The following LAMA1 variants were observed in gnomAD, a reference collection of about 807,000 sequenced individuals.
LAMA1 encodes laminin subunit alpha-1.
Under a neutral mutation model 348.7 loss-of-function variants are expected in LAMA1, and 219 were observed. The ratio of observed to expected loss-of-function variants is 0.63; its 90% CI spans 0.56 to 0.70. LAMA1 has a LOEUF of 0.70. Among genes scored for constraint, LAMA1 ranks in the 30% least tolerant of loss-of-function variants. LAMA1 has a pLI of 0.00. For synonymous variants in LAMA1, 1,487 were observed against 1,491.0 expected (o/e 1.00, Z 0.06); for missense variants, 3,744 against 3,888.0 (o/e 0.96, Z 0.99).
intron 53 of LAMA1, chr18:6,960,674 T>TAAAAAAAAA (rs1352926000): frequency 1.4e-5 from 2 of 139,732 alleles, no homozygotes; most frequent in African/African-American, 5.6e-5. Flanking sequence ...TCAGCTCAAC[T>TAAAAAAAAA]ACAAAAAAAA....
At chr18:6,945,449 C>T (rs8084092) in intron 61 of LAMA1, among the ~76,000 whole-genome samples, 130,451 of 152,084 alleles carry the variant, frequency 0.86, 56,084 homozygotes, top group Non-Finnish European at 0.87. Context: ...AGGGAAATAC[C>T]AGAAACAACC....
At chr18:6,991,880 C>A (rs1252236858) in intron 36 of LAMA1, among the ~76,000 whole-genome samples, 1 of 152,134 alleles carries the variant, frequency 6.6e-6, no homozygotes, top group Non-Finnish European at 1.5e-5. Context: ...ATGACTATAT[C>A]ATTTCATTAG....
chr18:6,948,535 A>C lies in LAMA1; in HGVS notation c.8578T>G (p.Cys2860Gly), dbSNP rs746069452. ...CTGTTAACCGTCACATCCCCAATGC[A>C]GGCAGGGATGCTGTGGGTGATCTAA... ...IGNITHSIPA[C>G]IGDVTVNSKQ... is the part of the protein sequence containing the mutation. The change falls in exon 60 of 63, where the codon TGC (cysteine) becomes GGC (glycine). Residue 2860 changes from cysteine to glycine, a missense_variant. Cys to Gly is a radical substitution (Grantham distance 159, BLOSUM62 -3). Coordinates refer to ENST00000389658, the MANE Select transcript of LAMA1 (RefSeq NM_005559.4). 1.2e-6 allele frequency: 2 copies of C among 1,614,176 alleles called. No homozygotes were observed. The highest frequency in any genetic ancestry group is 2.2e-5 in the South Asian group (2 of 91,074).
At chr18:7,117,323 G>A (rs2058361415) in intron 1 of LAMA1, among the ~76,000 whole-genome samples, 1 of 149,608 alleles carries the variant, frequency 6.7e-6, no homozygotes, top group Non-Finnish European at 1.5e-5. Context: ...CGCTCCGGGC[G>A]CCCCGCTCCC....
At chr18:7,034,779 G>A in intron 13 of LAMA1, 89 bp from the exon 14 acceptor site, 2 of 1,253,900 alleles carry the variant, frequency 1.6e-6, no homozygotes, top group Non-Finnish European at 2.3e-6. Flanking sequence ...CAGCAACGTG[G>A]TTTTTCATTC....
In LAMA1 at chr18:6,949,218, G is replaced by A. The variant is rs773935557; in HGVS notation, c.8439C>T (p.Val2813=). The A allele has an allele frequency of 7.4e-6, 12 of 1,614,024 alleles. No homozygotes were observed. Among genetic ancestry groups the A allele is most frequent in the South Asian group, 6.6e-5 (6 of 91,084 alleles). Residue 2813 remains valine, a synonymous_variant, in exon 59 of 63, where the codon GTC becomes GTT. Coordinates refer to ENST00000389658, the MANE Select transcript of LAMA1 (RefSeq NM_005559.4). ...TCACCATGGGAGACTCTCGGCCGTC[G>A]ACAGTTATGAAGCCTTTTCTTTTAA... ...DYVKRKGFIT[V]DGRESPMVTV...
intron 7 of LAMA1, among the ~76,000 whole-genome samples, chr18:7,044,265 C>T (rs1441140844): frequency 6.6e-6 from 1 of 150,550 alleles, no homozygotes; most frequent in Non-Finnish European, 1.5e-5. Flanking sequence ...TTAACATATG[C>T]GTTATATGCA....
chr18:7,066,182 G>C (rs2058122213), intron 3 of LAMA1, among the ~76,000 whole-genome samples: 1 of 152,122 alleles, frequency 6.6e-6, no homozygotes, highest in Non-Finnish European at 1.5e-5. Flanking sequence ...CCATGATTTA[G>C]GCTTAAAACG....
At chr18:7,052,347 C>T (rs1227835232) in intron 3 of LAMA1, among the ~76,000 whole-genome samples, 3 of 151,966 alleles carry the variant, frequency 2.0e-5, no homozygotes, top group Non-Finnish European at 4.4e-5. Flanking sequence ...ACGAGAATCA[C>T]TTGAGCCCCA....
intron 3 of LAMA1, among the ~76,000 whole-genome samples, chr18:7,065,398 C>T (rs1027553024): frequency 5.9e-5 from 9 of 152,008 alleles, no homozygotes; most frequent in African/African-American, 1.9e-4. Context: ...AACAATTACA[C>T]ATATTCTAGT....
At chr18:7,041,997 C>CACAT in intron 9 of LAMA1, 148 bp downstream of exon 9, 1 of 669,506 alleles carries the variant, frequency 1.5e-6, no homozygotes, top group Admixed American at 2.1e-5. Flanking sequence ...AACTGCCTGA[C>CACAT]ACATAGTAGG....
intron 16 of LAMA1, among the ~76,000 whole-genome samples, chr18:7,026,893 A>G (rs12966264): frequency 0.03 from 4,577 of 151,644 alleles, 88 homozygotes; most frequent in Middle Eastern, 0.096. Flanking sequence ...GCTACCTGGG[A>G]GGCTGAGGCA....
At chr18:7,035,605 G>A (rs771107747) in intron 13 of LAMA1, among the ~76,000 whole-genome samples, 23 of 151,814 alleles carry the variant, frequency 1.5e-4, no homozygotes, top group Non-Finnish European at 2.5e-4. Context: ...TTTGAGAGAC[G>A]GGGGTCTCAC....
chr18:7,089,869 T>G (rs548044557), intron 1 of LAMA1, among the ~76,000 whole-genome samples: 242 of 152,326 alleles, frequency 1.6e-3, no homozygotes, highest in Non-Finnish European at 2.7e-3. Flanking sequence ...TCAGGGGGGC[T>G]GTTTACAAGT....
intron 3 of LAMA1, among the ~76,000 whole-genome samples, chr18:7,064,999 G>T (rs2058116710): frequency 1.3e-5 from 2 of 151,992 alleles, no homozygotes; most frequent in Admixed American, 1.3e-4. Flanking sequence ...ACTTTGGGAG[G>T]GGGGCAGGTG....
At chr18:6,946,201 C>G (rs1226128287) in intron 61 of LAMA1, among the ~76,000 whole-genome samples, 1 of 152,064 alleles carries the variant, frequency 6.6e-6, no homozygotes, top group Non-Finnish European at 1.5e-5. Context: ...AGGGAACGGA[C>G]TGTTGATATG....
At chr18:7,005,783 C>A (rs2057829350) in intron 29 of LAMA1, among the ~76,000 whole-genome samples, 1 of 152,016 alleles carries the variant, frequency 6.6e-6, no homozygotes, top group African/African-American at 2.4e-5. Context: ...TGAAGGGACT[C>A]TGACAAGAAT....
At chr18:6,959,193 G>T in intron 54 of LAMA1, 148 bp downstream of exon 54, 1 of 1,012,198 alleles carries the variant, frequency 9.9e-7, no homozygotes. Context: ...CTGGTTCCCA[G>T]GAAAGAATCC....
Position 6,977,831 on chromosome 18 carries a change from A to G in LAMA1, c.6241T>C (p.Leu2081=), listed in dbSNP as rs1337633431. The change falls in exon 44 of 63, where the codon TTG becomes CTG. Residue 2081 remains leucine (L), a synonymous_variant. Coordinates refer to ENST00000389658, the MANE Select transcript of LAMA1 (RefSeq NM_005559.4). The stretch of plus-strand genomic sequence containing the variant: ...TTCAAAGGCTTCAACCGATCAAACA[A>G]AAGGTTGGCTTGAATTTCCACGTCT... ...VKDVEIQANL[L]FDRLKPLKML... 4 of 1,614,102 alleles carry G rather than the reference A, an allele frequency of 2.5e-6. No individual in the cohort carries two copies. The highest frequency in any genetic ancestry group is 3.4e-6 in the Non-Finnish European group (4 of 1,180,034).
Sources: allele counts gnomAD v4.1 joint callset (sites outside exome capture counted in the v4.1 genomes callset), GRCh38; gene constraint gnomAD v4.1.1; transcripts MANE v1.5; gene names NCBI Gene and HGNC (gene_info 2026-07-23, HGNC 2026-07-21).